The following DGLUCY variants were observed in gnomAD, a reference collection of about 807,000 sequenced individuals.
DGLUCY encodes D-glutamate cyclase, mitochondrial.
In DGLUCY, 58 loss-of-function variants were observed where a neutral mutation model predicts 58.5. The ratio of observed to expected loss-of-function variants is 0.99; its 90% CI spans 0.80 to 1.23. The LOEUF is 1.23. DGLUCY is among the 50% of genes most tolerant of loss of function. The pLI is 0.00. For missense variants in DGLUCY, 779 were observed against 784.7 expected, an observed-to-expected ratio of 0.99 and a Z score of 0.09; for synonymous variants, 325 against 314.1, an observed-to-expected ratio of 1.03 and a Z score of -0.37.
intron 7 of DGLUCY, among the ~76,000 whole-genome samples, chr14:91,176,941 C>CCTTCCTTT (rs58194951): frequency 2.0e-5 from 3 of 151,774 alleles, no homozygotes; most frequent in African/African-American, 7.3e-5. Context: ...TTCCTTCCTT[C>CCTTCCTTT]CCTTCTTCTT....
chr14:91,183,211 G>A (rs1233856857), intron 8 of DGLUCY, among the ~76,000 whole-genome samples: 1 of 151,942 alleles, frequency 6.6e-6, no homozygotes, highest in African/African-American at 2.4e-5. Context: ...ACCCAGGCTG[G>A]TCTCAAACTC....
chr14:91,125,571 A>G (rs1308759076), intron 1 of DGLUCY: 1 of 152,216 alleles, frequency 6.6e-6, no homozygotes, highest in Non-Finnish European at 1.5e-5. Context: ...TGGGGTGACA[A>G]ATGACCACTG....
At chr14:91,179,886 C>CT (rs35580984) in intron 7 of DGLUCY, among the ~76,000 whole-genome samples, 30,646 of 76,132 alleles carry the variant, frequency 0.4, 8,375 homozygotes, top group East Asian at 0.66. Flanking sequence ...ATGCTAAACA[C>CT]TTTTTTTTTT....
At chr14:91,196,724 A>G (rs999967686) in intron 10 of DGLUCY, among the ~76,000 whole-genome samples, 1 of 134,592 alleles carries the variant, frequency 7.4e-6, no homozygotes. Context: ...TATCTTCCTG[A>G]TAGAGGGGAG....
Position 91,170,083 on chromosome 14 carries a change from A to T in DGLUCY, c.338A>T (p.Gln113Leu). The T allele has an allele frequency of 6.2e-7, 1 of 1,612,752 alleles. No individual in the cohort carries two copies. ...GCTTCGCTGGAGCAGTACTCGGAGC[A>T]GCTGAAGGACATGGTGGCCTTCTTC... The part of the protein sequence containing the change: ...SLASLEQYSE[Q>L]LKDMVAFFLG... Residue 113 changes from glutamine (Q) to leucine (L), a missense_variant, in exon 5 of 14, where the codon CAG (glutamine) becomes CTG (leucine). Coordinates refer to ENST00000256324, the MANE Select transcript of DGLUCY (RefSeq NM_001102368.3).
At chr14:91,127,582 G>A (rs1172506742) in intron 1 of DGLUCY, among the ~76,000 whole-genome samples, 2 of 152,242 alleles carry the variant, frequency 1.3e-5, no homozygotes, top group East Asian at 1.9e-4. Flanking sequence ...GGCTGTTTGC[G>A]GTTTGGCCAG....
chr14:91,205,780 CT>C (rs1304957085), intron 12 of DGLUCY, among the ~76,000 whole-genome samples: 22 of 145,394 alleles, frequency 1.5e-4, no homozygotes, highest in Non-Finnish European at 2.5e-4. Flanking sequence ...TCTTCTTCTT[CT>C]TCTTCTTCTT....
chr14:91,178,530 G>T (rs1023649024), intron 7 of DGLUCY, among the ~76,000 whole-genome samples: 16 of 152,106 alleles, frequency 1.1e-4, no homozygotes, highest in Non-Finnish European at 5.9e-5. Context: ...ACTGATGGGG[G>T]CAAAACCCCG....
In DGLUCY at chr14:91,156,825, A is replaced by C. The variant is rs554518540; in HGVS notation, c.-81-814A>C. Among the ~76,000 whole-genome samples the C allele has an allele frequency of 3.9e-5, 6 of 152,356 alleles. No individual in the cohort carries two copies. In the South Asian group the frequency reaches 1.0e-3, roughly 26 times the overall value. On this transcript the variant is annotated intron_variant, in intron 1 of 13. Coordinates refer to ENST00000256324, the MANE Select transcript of DGLUCY (RefSeq NM_001102368.3). ...GGAAAACAAGATACCTGGGCCATGC[A>C]GCAGTGGGTTCCCCAGTGCCCTGAT...
chr14:91,197,430 A>G (rs1316592852), intron 10 of DGLUCY, among the ~76,000 whole-genome samples: 2 of 152,106 alleles, frequency 1.3e-5, no homozygotes, highest in African/African-American at 4.8e-5. Flanking sequence ...TTAAGCTTAC[A>G]CTTCAGTGGC....
intron 13 of DGLUCY, among the ~76,000 whole-genome samples, chr14:91,224,006 T>C (rs1169827488): frequency 6.6e-6 from 1 of 152,148 alleles, no homozygotes; most frequent in Admixed American, 6.6e-5. Context: ...TCTCTGTGAC[T>C]CTGCTACACC....
chr14:91,195,972 A>G (rs2140547886), intron 9 of DGLUCY, among the ~76,000 whole-genome samples: 1 of 152,252 alleles, frequency 6.6e-6, no homozygotes, highest in East Asian at 1.9e-4. Context: ...TGCCCAGCCC[A>G]TGATGGTTTT....
At chr14:91,078,795 T>A (rs1173448476) in intron 1 of DGLUCY, among the ~76,000 whole-genome samples, 2 of 152,184 alleles carry the variant, frequency 1.3e-5, no homozygotes, top group African/African-American at 4.8e-5. Flanking sequence ...GATCTTTAAC[T>A]GTCCAGGGAC....
chr14:91,068,356 A>C (rs1246387728), intron 1 of DGLUCY, among the ~76,000 whole-genome samples: 1 of 152,196 alleles, frequency 6.6e-6, no homozygotes, highest in Non-Finnish European at 1.5e-5. Context: ...CATCACATAT[A>C]TATCCAATTA....
chr14:91,154,759 G>A (rs906761743), intron 1 of DGLUCY, among the ~76,000 whole-genome samples: 2 of 152,298 alleles, frequency 1.3e-5, no homozygotes, highest in East Asian at 3.9e-4. Context: ...TCCCCGACCT[G>A]CAGCCCTACT....
At chr14:91,124,165 A>C (rs978938876) in intron 1 of DGLUCY, among the ~76,000 whole-genome samples, 1 of 151,206 alleles carries the variant, frequency 6.6e-6, no homozygotes, top group Non-Finnish European at 1.5e-5. Context: ...TGACCTCGTG[A>C]TCCACCCACC....
chr14:91,131,338 G>A (rs1274243550), intron 1 of DGLUCY, among the ~76,000 whole-genome samples: 1 of 151,930 alleles, frequency 6.6e-6, no homozygotes, highest in Non-Finnish European at 1.5e-5. Flanking sequence ...TAATTTTGAT[G>A]TCAAATTTAT....
chr14:91,164,106 TG>T (rs1235222297), intron 3 of DGLUCY, among the ~76,000 whole-genome samples: 11 of 151,990 alleles, frequency 7.2e-5, no homozygotes, highest in African/African-American at 2.7e-4. Context: ...CGTGCCACCA[TG>T]CCTGGCTAAT....
chr14:91,190,582 C>T (rs1273422636), intron 9 of DGLUCY, among the ~76,000 whole-genome samples: 1 of 151,944 alleles, frequency 6.6e-6, no homozygotes, highest in Non-Finnish European at 1.5e-5. Context: ...GGGCGTGAGG[C>T]TTGGGCTGGC....
Sources: gnomAD v4.1 joint callset for allele counts (sites outside exome capture counted in the v4.1 genomes callset) on GRCh38, gnomAD v4.1.1 for gene constraint, MANE v1.5 for transcripts, NCBI Gene and HGNC (gene_info 2026-07-23, HGNC 2026-07-21) for gene names.